The following FBXW11 variants were observed in gnomAD, a reference collection of about 807,000 sequenced individuals.
The protein encoded by FBXW11 is F-box and WD repeat domain containing 11, also known as F-box/WD repeat-containing protein 11.
FBXW11 carries 19 observed loss-of-function variants against 77.6 expected under a neutral mutation model. That is an observed-to-expected ratio of 0.24 (90% CI 0.17 to 0.36). The LOEUF (loss-of-function observed/expected upper bound fraction) is 0.36, where lower values mean the gene tolerates loss of function less well. Ranked by LOEUF, FBXW11 falls within the 10% of genes least tolerant of loss-of-function variation. FBXW11 has a pLI of 1.00. For missense variants in FBXW11, 334 were observed against 704.2 expected (o/e 0.47, Z 5.95); for synonymous variants, 235 against 249.4 (o/e 0.94, Z 0.54).
intron 5 of FBXW11, among the ~76,000 whole-genome samples, chr5:171,899,667 CAT>C (rs1293120394): frequency 1.4e-5 from 2 of 143,958 alleles, no homozygotes; most frequent in Non-Finnish European, 3.0e-5. Context: ...AAGGAAAAAA[CAT>C]AAATACATAG....
chr5:171,883,869 G>C lies in FBXW11; in HGVS notation c.853-5740C>G, dbSNP rs549809003. Among the ~76,000 whole-genome samples, 213 of 151,974 alleles carry C rather than the reference G, an allele frequency of 1.4e-3. 2 individuals carry two copies. The highest frequency in any genetic ancestry group is 0.014 in the Middle Eastern group (4 of 294). Reference sequence around the variant, plus strand: ...TGGGATTGTTTGTTTTTTTCTTGTTGATTTGTTTGAGTTCATTGTGTTTGT... The same window carrying C: ...TGGGATTGTTTGTTTTTTTCTTGTTCATTTGTTTGAGTTCATTGTGTTTGT... On this transcript the variant is annotated intron_variant, in intron 7 of 13. Coordinates refer to ENST00000517395, the MANE Select transcript of FBXW11 (RefSeq NM_001378974.1).
intron 4 of FBXW11, among the ~76,000 whole-genome samples, chr5:171,910,226 C>A (rs906593209): frequency 6.6e-6 from 1 of 151,902 alleles, no homozygotes; most frequent in Admixed American, 6.6e-5. Context: ...CCACCACCCC[C>A]GGCTAATTTT....
At chr5:171,921,540 A>T (rs1761597762) in intron 2 of FBXW11, among the ~76,000 whole-genome samples, 1 of 152,192 alleles carries the variant, frequency 6.6e-6, no homozygotes, top group South Asian at 2.1e-4. Context: ...ATAGACTGCA[A>T]GCAGAATGTT....
chr5:171,866,206 A>T (rs192627984), intron 13 of FBXW11, among the ~76,000 whole-genome samples: 254 of 152,162 alleles, frequency 1.7e-3, no homozygotes, highest in Non-Finnish European at 3.0e-3. Context: ...CGGAGGTTGC[A>T]GTGAGCCAAA....
chr5:171,880,527 A>T (rs1213771513), intron 7 of FBXW11, among the ~76,000 whole-genome samples: 1 of 152,218 alleles, frequency 6.6e-6, no homozygotes, highest in African/African-American at 2.4e-5. Flanking sequence ...GGAAGAAATG[A>T]CTGACATCCT....
At chr5:172,002,945 C>T (rs921944813) in intron 1 of FBXW11, among the ~76,000 whole-genome samples, 5 of 151,976 alleles carry the variant, frequency 3.3e-5, no homozygotes, top group Non-Finnish European at 7.4e-5. Context: ...GCAATCCTCC[C>T]ACCTCCTAAA....
At chr5:171,922,085 G>C (rs1046063455) in intron 2 of FBXW11, among the ~76,000 whole-genome samples, 20 of 151,278 alleles carry the variant, frequency 1.3e-4, no homozygotes, top group African/African-American at 4.1e-4. Context: ...AGGGAGGGAG[G>C]GAGGGAGGGA....
rs988750916 is a variant in FBXW11, at chr5:171,876,769, ACT to A, written c.972-237_972-236del. 2.6e-5 allele frequency among the ~76,000 whole-genome samples: 4 copies of A among 151,902 alleles called. No individual in the cohort carries two copies. The highest frequency in any genetic ancestry group is 5.9e-5 in the Non-Finnish European group (4 of 67,948). On this transcript the variant is annotated intron_variant, in intron 8 of 13. Coordinates refer to ENST00000517395, the MANE Select transcript of FBXW11 (RefSeq NM_001378974.1). The surrounding 1 kb of genome is among the most constrained non-coding windows in gnomAD (Gnocchi z 4.2). Reference sequence around the variant, plus strand: ...GTGCCATTCTCATAGGAGGGAGTTCACTCTTAGTTCCTGAGAGAACAGGTTGT... The same window carrying A: ...GTGCCATTCTCATAGGAGGGAGTTCACTTAGTTCCTGAGAGAACAGGTTGT...
At chr5:171,871,214 A>AAC (rs1757733135) in intron 10 of FBXW11, among the ~76,000 whole-genome samples, 1 of 152,228 alleles carries the variant, frequency 6.6e-6, no homozygotes, top group South Asian at 2.1e-4. Flanking sequence ...AGTTGATAAA[A>AAC]ACCATGTAGA....
At chr5:171,871,099 G>C (rs1757727024) in intron 10 of FBXW11, among the ~76,000 whole-genome samples, 2 of 152,214 alleles carry the variant, frequency 1.3e-5, no homozygotes, top group Non-Finnish European at 2.9e-5. Flanking sequence ...CCTTTTATAT[G>C]ATTTGAAACT....
intron 2 of FBXW11, among the ~76,000 whole-genome samples, chr5:171,949,839 A>G (rs10475995): frequency 2.6e-5 from 4 of 152,330 alleles, no homozygotes; most frequent in Admixed American, 6.5e-5. Context: ...AAAATATTCA[A>G]TGTCATCTAG....
chr5:172,000,290 G>A (rs1766335398), intron 1 of FBXW11, among the ~76,000 whole-genome samples: 2 of 152,140 alleles, frequency 1.3e-5, no homozygotes, highest in Admixed American at 6.6e-5. Context: ...AAACTAAACC[G>A]ATCAAACATA....
intron 1 of FBXW11, among the ~76,000 whole-genome samples, chr5:171,962,563 A>C (rs544491963): frequency 5.3e-5 from 8 of 152,330 alleles, no homozygotes; most frequent in African/African-American, 1.7e-4. Flanking sequence ...CCGTATAATC[A>C]AAAAAACCTA....
intron 1 of FBXW11, among the ~76,000 whole-genome samples, chr5:171,982,527 T>C (rs929325019): frequency 3.3e-5 from 5 of 152,028 alleles, no homozygotes; most frequent in Non-Finnish European, 7.4e-5. Context: ...ACTCCTAAAG[T>C]GCTGGGATTA....
intron 2 of FBXW11, among the ~76,000 whole-genome samples, chr5:171,952,760 T>TA (rs998707485): frequency 2.6e-5 from 4 of 151,814 alleles, no homozygotes; most frequent in Non-Finnish European, 5.9e-5. Context: ...TATTTATATA[T>TA]TTTTTAGAGC....
intron 3 of FBXW11, 37 bp from the exon 4 acceptor site, chr5:171,910,834 A>G (rs1477698823): frequency 7.2e-7 from 1 of 1,381,232 alleles, no homozygotes; most frequent in African/African-American, 1.5e-5. Flanking sequence ...TAGTTTAACA[A>G]GGAAAGAAAC....
chr5:171,954,233 T>G (rs908145360), intron 2 of FBXW11, among the ~76,000 whole-genome samples: 3 of 152,218 alleles, frequency 2.0e-5, no homozygotes, highest in African/African-American at 7.2e-5. Flanking sequence ...AAAATGGCAG[T>G]TGTCACTACA....
chr5:171,966,031 C>A (rs112116581), intron 1 of FBXW11, among the ~76,000 whole-genome samples: 3,274 of 152,218 alleles, frequency 0.022, 120 homozygotes, highest in African/African-American at 0.074. Flanking sequence ...TTCCCCTTTG[C>A]CTTCAGCCAT....
At chr5:171,947,451 G>C in intron 2 of FBXW11, among the ~76,000 whole-genome samples, 1 of 151,808 alleles carries the variant, frequency 6.6e-6, no homozygotes. Flanking sequence ...GTAATCTCAG[G>C]ATTTTGCAAG....
Sources: allele counts gnomAD v4.1 joint callset (sites outside exome capture counted in the v4.1 genomes callset), GRCh38; gene constraint gnomAD v4.1.1; non-coding constraint Gnocchi (gnomAD v3.1); transcripts MANE v1.5; gene names NCBI Gene and HGNC (gene_info 2026-07-23, HGNC 2026-07-21).